Variants in MYO16 observed in about 807,000 individuals in gnomAD.
The protein encoded by MYO16 is myosin XVI, also known as unconventional myosin-XVI.
MYO16 carries 94 observed loss-of-function variants against 205.3 expected under a neutral mutation model. The observed-to-expected ratio is 0.46, with a 90% CI of 0.39 to 0.54. The LOEUF (loss-of-function observed/expected upper bound fraction) is 0.54, where lower values mean the gene tolerates loss of function less well. MYO16 is among the 20% of genes least tolerant of loss of function. The pLI is 0.00. For missense variants in MYO16, 2,315 were observed against 2,387.5 expected (o/e 0.97, Z 0.63); for synonymous variants, 988 against 954.0 (o/e 1.04, Z -0.66).
At chr13:108,548,883 A>C in the MYO16 span, among the ~76,000 whole-genome samples, 1 of 152,164 alleles carries the variant, frequency 6.6e-6, no homozygotes, top group Non-Finnish European at 1.5e-5. Flanking sequence ...CAACACAGAC[A>C]TTTCTCCTTG....
At chr13:109,021,020 C>T (rs9559462) in intron 23 of MYO16, among the ~76,000 whole-genome samples, 61,303 of 151,778 alleles carry the variant, frequency 0.4, 12,679 homozygotes, top group East Asian at 0.66. Flanking sequence ...GGAAGCAATG[C>T]GTGGCTTAAA....
At chr13:109,076,582 T>C (rs9521156) in intron 27 of MYO16, among the ~76,000 whole-genome samples, 73,203 of 151,936 alleles carry the variant, frequency 0.48, 17,887 homozygotes, top group Middle Eastern at 0.55. Context: ...TTTCTTATTT[T>C]CTACATTCTT....
At chr13:108,658,415 T>G (rs932190716) in intron 1 of MYO16, among the ~76,000 whole-genome samples, 1 of 139,998 alleles carries the variant, frequency 7.1e-6, no homozygotes, top group East Asian at 2.1e-4. Flanking sequence ...CTTCTTTTTT[T>G]TGTTTCAACT....
At chr13:108,840,093 G>A (rs1877160713) in intron 9 of MYO16, among the ~76,000 whole-genome samples, 1 of 152,144 alleles carries the variant, frequency 6.6e-6, no homozygotes, top group African/African-American at 2.4e-5. Context: ...ATCAAACATG[G>A]TAGTTTTACT....
chr13:109,023,634 T>TGTATATATGC, intron 23 of MYO16, among the ~76,000 whole-genome samples: 1 of 118,844 alleles, frequency 8.4e-6, no homozygotes, highest in African/African-American at 3.0e-5. Context: ...TATAGACAAA[T>TGTATATATGC]ATATATACAA....
At chr13:109,018,590 G>A (rs1463264639) in intron 22 of MYO16, among the ~76,000 whole-genome samples, 1 of 152,136 alleles carries the variant, frequency 6.6e-6, no homozygotes, top group Non-Finnish European at 1.5e-5. Flanking sequence ...CGGACTAGCA[G>A]TGAGCAAGGC....
chr13:108,942,737 C>T (rs751251840), intron 16 of MYO16, among the ~76,000 whole-genome samples: 2 of 152,114 alleles, frequency 1.3e-5, no homozygotes, highest in African/African-American at 2.4e-5. Context: ...GTTCTTGGCA[C>T]GTGTAGAAAC....
chr13:109,100,664 C>T (rs530364745), intron 27 of MYO16, 121 bp from the exon 28 acceptor site: 24 of 692,360 alleles, frequency 3.5e-5, no homozygotes, highest in Non-Finnish European at 5.5e-5. Context: ...TTTGGCTGTT[C>T]CTGGGATAAA....
rs67656911 is a variant in MYO16, at chr13:109,073,108, CT to C, written c.3335+17524del. Reference sequence around the variant, plus strand: ...AGTATAGAGTGAAATTATGGAATATCTTTTTTTTTTTGAGATGGAGTCTCGT... The same window carrying C: ...AGTATAGAGTGAAATTATGGAATATCTTTTTTTTTTGAGATGGAGTCTCGT... On this transcript the variant is annotated intron_variant, in intron 27 of 34. Transcript: ENST00000457511. Among the ~76,000 whole-genome samples the C allele has an allele frequency of 1.6e-4, 24 of 148,188 alleles. 1 individual carries two copies. The highest frequency in any genetic ancestry group is 4.0e-4 in the African/African-American group (16 of 40,378).
chr13:108,898,063 T>C lies in MYO16; in HGVS notation c.1707T>C (p.Asn569=), dbSNP rs1288321113. The C allele has an allele frequency of 1.9e-6, 3 of 1,614,134 alleles. No individual in the cohort carries two copies. The highest frequency in any genetic ancestry group is 2.2e-5 in the East Asian group (1 of 44,882). ...TTGGACATGCCAAGACCACACTTAA[T>C]GATTTGTCCAGTTGCTTCATCAAGT... The part of the protein sequence containing the change: ...EAFGHAKTTL[N]DLSSCFIKYF... Residue 569 remains asparagine, a synonymous_variant, in exon 15 of 35, where the codon AAT becomes AAC. Coordinates refer to ENST00000457511, the MANE Select transcript of MYO16 (RefSeq NM_001198950.3).
At chr13:109,078,374 G>C (rs1307188646) in intron 27 of MYO16, among the ~76,000 whole-genome samples, 1 of 152,064 alleles carries the variant, frequency 6.6e-6, no homozygotes. Context: ...AGGAGGTAGA[G>C]GTTGCAGTGA....
intron 27 of MYO16, among the ~76,000 whole-genome samples, chr13:109,073,564 A>C (rs959901969): frequency 6.6e-6 from 1 of 152,196 alleles, no homozygotes; most frequent in African/African-American, 2.4e-5. Context: ...ACAGAAATAC[A>C]TGCTTTTAAC....
At chr13:108,732,249 C>A (rs1884547121) in intron 4 of MYO16, among the ~76,000 whole-genome samples, 1 of 152,130 alleles carries the variant, frequency 6.6e-6, no homozygotes, top group East Asian at 1.9e-4. Flanking sequence ...TGGTAGCCGT[C>A]TGTGTGTACT....
At chr13:108,517,956 C>T in the MYO16 span, among the ~76,000 whole-genome samples, 5 of 152,114 alleles carry the variant, frequency 3.3e-5, no homozygotes, top group Admixed American at 6.5e-5. Context: ...AGGCACTAAA[C>T]CTCTTCATGA....
At chr13:108,580,494 T>C in the MYO16 span, among the ~76,000 whole-genome samples, 1 of 152,218 alleles carries the variant, frequency 6.6e-6, no homozygotes, top group Non-Finnish European at 1.5e-5. Flanking sequence ...TCTCTCTTTT[T>C]GCGCTCAATT....
At chr13:108,531,480 A>T in the MYO16 span, among the ~76,000 whole-genome samples, 1 of 152,284 alleles carries the variant, frequency 6.6e-6, no homozygotes, top group South Asian at 2.1e-4. Flanking sequence ...GACTTGAGAT[A>T]GGTTTAAAGT....
chr13:108,760,554 T>G, intron 4 of MYO16, among the ~76,000 whole-genome samples: 1 of 151,698 alleles, frequency 6.6e-6, no homozygotes, highest in South Asian at 2.1e-4. Context: ...AAATATTCTT[T>G]ATTTATGTGT....
the MYO16 span, among the ~76,000 whole-genome samples, chr13:108,564,950 G>T: frequency 6.6e-6 from 1 of 152,156 alleles, no homozygotes; most frequent in Admixed American, 6.5e-5. Flanking sequence ...TGTTGAAAAT[G>T]AGTTCACTCT....
In MYO16 at chr13:108,898,257, T is replaced by A; in HGVS notation, c.1777+124T>A. 5 of 745,200 alleles carry A rather than the reference T, an allele frequency of 6.7e-6. 1 individual carries two copies. The Admixed American group carries it at 1.1e-4, about 17-fold the overall frequency. The allele number at this position is 745,200 out of a possible 1,614,324, so 46.2% of individuals were successfully genotyped here. On this transcript the variant is annotated intron_variant, in intron 15 of 34. Coordinates refer to ENST00000457511, the MANE Select transcript of MYO16 (RefSeq NM_001198950.3). ...GCTGGGAGAGAAAACCTATTCTTCATGACCGTGTCTGGAAACAGCTTAAGA... is the reference window on the plus strand; with the variant it reads ...GCTGGGAGAGAAAACCTATTCTTCAAGACCGTGTCTGGAAACAGCTTAAGA...
Sources: gnomAD v4.1 joint callset for allele counts (sites outside exome capture counted in the v4.1 genomes callset) on GRCh38, gnomAD v4.1.1 for gene constraint, MANE v1.5 for transcripts, NCBI Gene and HGNC (gene_info 2026-07-23, HGNC 2026-07-21) for gene names.